RMC1: variants seen among roughly 807,000 people sequenced by gnomAD.
RMC1 encodes the protein regulator of MON1-CCZ1 complex.
RMC1 carries 44 observed loss-of-function variants against 95.5 expected under a neutral mutation model. The observed-to-expected ratio is 0.46, with a 90% CI of 0.36 to 0.59. The LOEUF (loss-of-function observed/expected upper bound fraction) is 0.59, where lower values mean the gene tolerates loss of function less well. RMC1 is among the 20% of genes least tolerant of loss of function. The probability of loss-of-function intolerance (pLI) is 0.00; values close to 1 mark genes in which losing one functional copy is unlikely to be tolerated. For synonymous variants in RMC1, 320 were observed against 303.6 expected (o/e 1.05, Z -0.56); for missense variants, 705 against 819.6 (o/e 0.86, Z 1.71).
intron 5 of RMC1, among the ~76,000 whole-genome samples, chr18:23,510,709 C>G (rs1466941696): frequency 1.3e-5 from 2 of 151,866 alleles, no homozygotes; most frequent in Non-Finnish European, 2.9e-5. Context: ...ACACATGCGA[C>G]CAACAAACAT....
intron 1 of RMC1, 40 bp downstream of exon 1, chr18:23,503,760 C>T (rs1049915999): frequency 6.4e-6 from 10 of 1,562,314 alleles, no homozygotes; most frequent in East Asian, 2.5e-5. Flanking sequence ...GCGGCCCTGC[C>T]GGGGTCGTGG....
At chr18:23,518,362 C>T (rs1325583344) in intron 7 of RMC1, among the ~76,000 whole-genome samples, 8 of 152,032 alleles carry the variant, frequency 5.3e-5, no homozygotes, top group South Asian at 2.1e-4. Context: ...CACGGTGGCA[C>T]GTGCATGTAG....
intron 5 of RMC1, among the ~76,000 whole-genome samples, chr18:23,513,210 T>TC (rs1412468924): frequency 6.6e-6 from 1 of 152,186 alleles, no homozygotes; most frequent in Non-Finnish European, 1.5e-5. Flanking sequence ...CACCTCAGCC[T>TC]CCCAAAGTGC....
chr18:23,504,418 C>A lies in RMC1; in HGVS notation c.150C>A (p.Gly50=). Residue 50 remains glycine (G), a synonymous_variant, in exon 2 of 20, where the codon GGC becomes GGA. Coordinates refer to ENST00000269221, the MANE Select transcript of RMC1 (RefSeq NM_013326.5). ...SGGATGVVVK[G]PDDRNPISFR... The stretch of plus-strand genomic sequence containing the variant: ...GAGCTACTGGCGTGGTAGTTAAAGG[C>A]CCAGATGATAGGAATCCCATCTCAT... The A allele has an allele frequency of 6.2e-7, 1 of 1,614,050 alleles. No individual in the cohort carries two copies. The highest frequency in any genetic ancestry group is 1.7e-5 in the Admixed American group (1 of 60,022).
At chr18:23,527,154 CAGG>C (rs1331242369) in intron 13 of RMC1, among the ~76,000 whole-genome samples, 3 of 135,248 alleles carry the variant, frequency 2.2e-5, no homozygotes, top group Non-Finnish European at 3.0e-5. Context: ...GAGGCTGAAG[CAGG>C]AGGATTGCCT....
intron 19 of RMC1, 135 bp from the exon 20 acceptor site, chr18:23,531,490 C>T: frequency 6.8e-7 from 1 of 1,461,344 alleles, no homozygotes; most frequent in East Asian, 2.4e-5. Context: ...GATAGGGTAA[C>T]CCCAAAACTT....
rs1348698737 is a variant in RMC1 at position 23,503,556 on chromosome 18, C to A, written c.-63C>A. 7.9e-6 allele frequency: 10 copies of A among 1,266,896 alleles called. No individual in the cohort carries two copies. The East Asian group carries it at 3.1e-4, about 39-fold the overall frequency. 78.5% of individuals were successfully genotyped at this position (1,266,896 alleles called of 1,614,324 possible). ...CGCTACAGTCCGGGCCGGGCTCCAC[C>A]GCGCATCCTGCTCCACTCTGGCGAC... On this transcript the variant is annotated 5_prime_UTR_variant, in exon 1 of 20. Coordinates refer to ENST00000269221, the MANE Select transcript of RMC1 (RefSeq NM_013326.5).
At chr18:23,506,791 T>C (rs2057727849) in intron 2 of RMC1, 179 bp from the exon 3 acceptor site, 2 of 511,942 alleles carry the variant, frequency 3.9e-6, no homozygotes, top group Admixed American at 3.7e-5. Context: ...CAGCAAGTTC[T>C]TTCCAGTTGG....
At chr18:23,512,550 A>G (rs1026003755) in intron 5 of RMC1, among the ~76,000 whole-genome samples, 4 of 151,578 alleles carry the variant, frequency 2.6e-5, no homozygotes, top group African/African-American at 9.7e-5. Flanking sequence ...CTTCCTGAGT[A>G]GCTGGAACTA....
At chr18:23,507,876 T>C (rs2057753639) in intron 3 of RMC1, 109 bp from the exon 4 acceptor site, 1 of 887,862 alleles carries the variant, frequency 1.1e-6, no homozygotes. Flanking sequence ...TATTTTCTGG[T>C]CACTTTTTAA....
chr18:23,510,646 C>CA (rs1209479609), intron 5 of RMC1, among the ~76,000 whole-genome samples: 139 of 129,826 alleles, frequency 1.1e-3, no homozygotes, highest in Middle Eastern at 4.4e-3. Flanking sequence ...GACTCCGTCT[C>CA]AAAAAAAAAA....
At chr18:23,531,577 C>G in intron 19 of RMC1, 48 bp from the exon 20 acceptor site, 2 of 1,595,096 alleles carry the variant, frequency 1.3e-6, no homozygotes, top group South Asian at 2.3e-5. Flanking sequence ...TTCTTTGTCC[C>G]TCATTTCATG....
intron 14 of RMC1, 179 bp from the exon 15 acceptor site, chr18:23,529,000 C>T: frequency 1.0e-6 from 1 of 981,392 alleles, no homozygotes. Context: ...CTGCCTCAGC[C>T]TCCTGAGTAG....
At chr18:23,529,775 C>T in intron 16 of RMC1, 63 bp downstream of exon 16, 1 of 1,484,028 alleles carries the variant, frequency 6.7e-7, no homozygotes, top group Non-Finnish European at 9.4e-7. Context: ...AACACAGTCA[C>T]TGTCTTAGAA....
chr18:23,522,934 T>C (rs964158443), intron 10 of RMC1: 6 of 152,312 alleles, frequency 3.9e-5, no homozygotes, highest in Non-Finnish European at 5.9e-5. Flanking sequence ...ACCAGCACTT[T>C]TGGGAAGAGT....
chr18:23,508,153 T>G, intron 4 of RMC1, 112 bp downstream of exon 4: 2 of 934,762 alleles, frequency 2.1e-6, no homozygotes, highest in Non-Finnish European at 3.1e-6. Flanking sequence ...AGTCAGACTG[T>G]CCCTCATGTT....
intron 2 of RMC1, 38 bp from the exon 3 acceptor site, chr18:23,506,932 C>G: frequency 2.2e-6 from 3 of 1,392,624 alleles, no homozygotes; most frequent in Non-Finnish European, 3.0e-6. Context: ...AGCTAGAATT[C>G]GGTTATTTAA....
At chr18:23,515,827 A>G (rs2145185951) in intron 5 of RMC1, 29 bp from the exon 6 acceptor site, 3 of 1,613,342 alleles carry the variant, frequency 1.9e-6, no homozygotes, top group Non-Finnish European at 2.5e-6. Flanking sequence ...TTTTTAAATG[A>G]AGATCCTGTT....
rs192294810 is a variant in RMC1 at position 23,503,880 on chromosome 18, C to T, written c.102+160C>T. The stretch of plus-strand genomic sequence containing the variant: ...GCGCTCCTTCCTTGTTGGGTGGGCT[C>T]AGCCGCGGCCAGGTGTCCTCGCAGG... On this transcript the variant is annotated intron_variant, in intron 1 of 19. Transcript: ENST00000269221. 4.0e-3 allele frequency among the ~76,000 whole-genome samples: 605 copies of T among 152,186 alleles called. 5 individuals carry two copies. Among genetic ancestry groups the T allele is most frequent in the Non-Finnish European group, 5.8e-3 (394 of 67,970 alleles).
Sources: gnomAD v4.1 joint callset for allele counts (sites outside exome capture counted in the v4.1 genomes callset) on GRCh38, gnomAD v4.1.1 for gene constraint, MANE v1.5 for transcripts, NCBI Gene and HGNC (gene_info 2026-07-23, HGNC 2026-07-21) for gene names.